The following POLK variants were observed in gnomAD, a reference collection of about 807,000 sequenced individuals.
The protein encoded by POLK is DNA polymerase kappa.
A neutral mutation model predicts 94.0 loss-of-function variants in POLK; 76 were observed. The observed-to-expected ratio is 0.81, with a 90% CI of 0.67 to 0.98. The LOEUF (loss-of-function observed/expected upper bound fraction) is 0.98, where lower values mean the gene tolerates loss of function less well. POLK is among the 50% of genes least tolerant of loss of function. POLK has a pLI of 0.00. For missense variants in POLK, 954 were observed against 1,010.1 expected, an observed-to-expected ratio of 0.94 and a Z score of 0.75; for synonymous variants, 349 against 325.4, an observed-to-expected ratio of 1.07 and a Z score of -0.78.
Position 75,590,460 on chromosome 5 carries a change from T to G in POLK, c.1356+20T>G. 1 of 1,423,176 alleles carries G rather than the reference T, an allele frequency of 7.0e-7. No individual in the cohort carries two copies. Among genetic ancestry groups the G allele is most frequent in the African/African-American group, 1.4e-5 (1 of 71,138 alleles). The allele number at this position is 1,423,176 out of a possible 1,614,324, so 88.2% of individuals were successfully genotyped here. On this transcript the variant is annotated intron_variant, in intron 11 of 14. Coordinates refer to ENST00000241436, the Ensembl canonical transcript of POLK. ...CTTAAGGTGCTTTATTTTGATATGG[T>G]GTCCTTAGTTTTTAAGTTTTTTAAT...
At chr5:75,531,157 T>G (rs114319627) in intron 1 of POLK, among the ~76,000 whole-genome samples, 4,913 of 152,098 alleles carry the variant, frequency 0.032, 263 homozygotes, top group African/African-American at 0.11. Context: ...TGAAAATGTT[T>G]TTTTTCCTCG....
chr5:75,514,112 A>G (rs1768211546), intron 1 of POLK, among the ~76,000 whole-genome samples: 2 of 152,220 alleles, frequency 1.3e-5, no homozygotes, highest in Non-Finnish European at 2.9e-5. Context: ...ATGAAAATAT[A>G]CTTTATCCCT....
chr5:75,556,317 T>C (rs1335433418), intron 3 of POLK, among the ~76,000 whole-genome samples: 4 of 152,240 alleles, frequency 2.6e-5, no homozygotes, highest in African/African-American at 9.6e-5. Context: ...ATGTTCTTTG[T>C]TGAGGTGTCT....
At chr5:75,530,047 T>C (rs1330696853) in intron 1 of POLK, among the ~76,000 whole-genome samples, 2 of 152,074 alleles carry the variant, frequency 1.3e-5, no homozygotes, top group Admixed American at 1.3e-4. Context: ...AGTAGAAATA[T>C]AGGGCCCTTT....
chr5:75,541,788 C>G (rs1275262630), intron 1 of POLK, among the ~76,000 whole-genome samples: 2 of 152,150 alleles, frequency 1.3e-5, no homozygotes, highest in Admixed American at 1.3e-4. Flanking sequence ...AAAGTTGCAC[C>G]TATACTTTCA....
chr5:75,576,715 C>G lies in POLK; in HGVS notation c.541-65C>G, dbSNP rs148514824. The G allele has an allele frequency of 1.6e-4, 119 of 726,856 alleles. 1 individual carries two copies. The East Asian group carries it at 3.3e-3, about 20-fold the overall frequency. The allele number at this position is 726,856 out of a possible 1,614,324, so 45.0% of individuals were successfully genotyped here. On this transcript the variant is annotated intron_variant, in intron 5 of 14. Coordinates refer to ENST00000241436, the Ensembl canonical transcript of POLK. ...TAAGAATATTAACATTTCTTATCAG[C>G]TACATATGACAGAAGAAGTTTGCTA...
Position 75,596,511 on chromosome 5 carries a change from G to C in POLK, c.1818G>C (p.Met606Ile), listed in dbSNP as rs145592747. 19 of 1,613,966 alleles carry C rather than the reference G, an allele frequency of 1.2e-5. No homozygotes were observed. Among genetic ancestry groups the C allele is most frequent in the Middle Eastern group, 1.6e-4 (1 of 6,062 alleles). The stretch of plus-strand genomic sequence containing the variant: ...CATTCCAAGTTTTAAAGAAGAAGAT[G>C]AATGAGAATTTGGAAATATCAGAGA... The change falls in exon 13 of 15, where the codon ATG (methionine) becomes ATC (isoleucine). Residue 606 changes from methionine to isoleucine, a missense_variant. Met to Ile is a conservative substitution (Grantham distance 10). Transcript: ENST00000241436.
At chr5:75,565,862 G>A (rs1010043249) in intron 3 of POLK, among the ~76,000 whole-genome samples, 3 of 152,252 alleles carry the variant, frequency 2.0e-5, no homozygotes, top group Admixed American at 1.3e-4. Flanking sequence ...ACTTGAGGAG[G>A]CAGTCTGTTC....
chr5:75,604,143 G>A (rs575723258), downstream of POLK, among the ~76,000 whole-genome samples: 9 of 152,162 alleles, frequency 5.9e-5, no homozygotes, highest in Non-Finnish European at 4.4e-5. Flanking sequence ...GTGGCTAAGG[G>A]CTGCTGTCAC....
At chr5:75,587,124 AT>A in intron 10 of POLK, 66 bp downstream of exon 10, 1 of 926,368 alleles carries the variant, frequency 1.1e-6, no homozygotes, top group Non-Finnish European at 1.6e-6. Context: ...TATTGAATTA[AT>A]TTTTAGTAAA....
At position 75,514,036 on chromosome 5, in the gene POLK, T is replaced by C. The variant is rs554288872; in HGVS notation, c.-14+2122T>C. Among the ~76,000 whole-genome samples the C allele has an allele frequency of 4.0e-4, 61 of 152,194 alleles. 1 individual carries two copies. The highest frequency in any genetic ancestry group is 8.2e-4 in the Non-Finnish European group (56 of 68,022). The stretch of plus-strand genomic sequence containing the variant: ...CACTTCTACTATAATTTCACATCCT[T>C]TTCTTCTTAGTCAAATAAGTTGAAA... On this transcript the variant is annotated intron_variant, in intron 1 of 14. Coordinates refer to ENST00000241436, the Ensembl canonical transcript of POLK.
chr5:75,544,921 T>C (rs1769933819), intron 1 of POLK, among the ~76,000 whole-genome samples: 1 of 152,150 alleles, frequency 6.6e-6, no homozygotes, highest in Non-Finnish European at 1.5e-5. Flanking sequence ...AACCAACCTA[T>C]ATTCCCCTGG....
At chr5:75,546,973 G>T (rs1235411510) in intron 1 of POLK, 37 bp from the exon 2 acceptor site, 2 of 1,202,950 alleles carry the variant, frequency 1.7e-6, no homozygotes, top group Admixed American at 2.3e-5. Flanking sequence ...GGCCACAGAT[G>T]GTTTTAAAAG....
At chr5:75,578,705 A>G (rs137975136) in intron 6 of POLK, among the ~76,000 whole-genome samples, 41 of 152,282 alleles carry the variant, frequency 2.7e-4, no homozygotes, top group African/African-American at 9.9e-4. Context: ...GTGGAAGGCA[A>G]TTGATATATC....
intron 7 of POLK, chr5:75,582,034 G>T (rs1772221348): frequency 2.0e-6 from 2 of 982,248 alleles, no homozygotes; most frequent in Non-Finnish European, 2.4e-6. Flanking sequence ...TATTGGTTTT[G>T]CATGTAATAA....
At chr5:75,529,802 ATACT>A (rs1464026152) in intron 1 of POLK, among the ~76,000 whole-genome samples, 1 of 152,204 alleles carries the variant, frequency 6.6e-6, no homozygotes, top group Non-Finnish European at 1.5e-5. Flanking sequence ...AGTATAAAAA[ATACT>A]TAATACATTT....
chr5:75,547,184 T>G (rs1770069422), intron 2 of POLK, 27 bp downstream of exon 2: 1 of 1,330,396 alleles, frequency 7.5e-7, no homozygotes, highest in African/African-American at 1.5e-5. Context: ...TTTTGATGTG[T>G]GTAATTTAAT....
chr5:75,515,814 G>A (rs1198253478), intron 1 of POLK, among the ~76,000 whole-genome samples: 2 of 152,132 alleles, frequency 1.3e-5, no homozygotes, highest in Non-Finnish European at 2.9e-5. Context: ...GCCGCCCATG[G>A]TGACTGAGGT....
chr5:75,532,077 A>G (rs1769209471), intron 1 of POLK, among the ~76,000 whole-genome samples: 1 of 152,076 alleles, frequency 6.6e-6, no homozygotes. Flanking sequence ...ATTATAAACC[A>G]TTTTTGATTT....
Sources: gnomAD v4.1 joint callset for allele counts (sites outside exome capture counted in the v4.1 genomes callset) on GRCh38, gnomAD v4.1.1 for gene constraint, MANE v1.5 for transcripts, NCBI Gene and HGNC (gene_info 2026-07-23, HGNC 2026-07-21) for gene names.